CCDC180: variants seen among roughly 807,000 people sequenced by gnomAD.
CCDC180 encodes coiled-coil domain-containing protein 180.
Under a neutral mutation model 209.2 loss-of-function variants are expected in CCDC180, and 154 were observed. The observed-to-expected ratio is 0.74, with a 90% CI of 0.65 to 0.84. CCDC180 has a LOEUF of 0.84. Among genes scored for constraint, CCDC180 ranks in the 40% least tolerant of loss-of-function variants. The pLI is 0.00. For synonymous variants in CCDC180, 778 were observed against 749.1 expected, an observed-to-expected ratio of 1.04 and a Z score of -0.63; for missense variants, 1,874 against 1,997.3, an observed-to-expected ratio of 0.94 and a Z score of 1.18.
Position 97,365,452 on chromosome 9 carries a change from G to A in CCDC180, c.3981-221G>A, listed in dbSNP as rs532257081. 9.6e-6 allele frequency: 5 copies of A among 518,492 alleles called. No individual in the cohort carries two copies. The Admixed American group carries it at 1.3e-4, about 14-fold the overall frequency. The allele number at this position is 518,492 out of a possible 1,614,324, so 32.1% of individuals were successfully genotyped here. A position where few individuals can be genotyped will look rare whatever the true frequency, so the allele number is the denominator to read the frequency against. On this transcript the variant is annotated intron_variant, in intron 29 of 36. Transcript: ENST00000529487. Reference sequence around the variant, plus strand: ...GGTCAGAAATTGCAGCTGAGCTGGGGTCTGAGGAAGGGCAGGAACAAATAC... The same window carrying A: ...GGTCAGAAATTGCAGCTGAGCTGGGATCTGAGGAAGGGCAGGAACAAATAC...
intron 29 of CCDC180, among the ~76,000 whole-genome samples, chr9:97,364,885 C>T (rs975206123): frequency 9.2e-5 from 14 of 152,200 alleles, no homozygotes; most frequent in African/African-American, 3.4e-4. Context: ...CTAATCGAGG[C>T]ACTGCCCGGT....
At chr9:97,357,321 A>G (rs1025846359) in intron 24 of CCDC180, among the ~76,000 whole-genome samples, 2 of 152,210 alleles carry the variant, frequency 1.3e-5, no homozygotes, top group African/African-American at 2.4e-5. Flanking sequence ...GGGTCAGAGC[A>G]TGACCTTTCT....
intron 18 of CCDC180, among the ~76,000 whole-genome samples, chr9:97,337,055 G>T (rs2118733608): frequency 6.6e-6 from 1 of 152,330 alleles, no homozygotes; most frequent in Admixed American, 6.5e-5. Flanking sequence ...AGCTTAAGGA[G>T]ATTTTGGACT....
chr9:97,345,620 G>A, intron 19 of CCDC180: 1 of 408,320 alleles, frequency 2.4e-6, no homozygotes, highest in Non-Finnish European at 4.8e-6. Context: ...GCATGGTGGT[G>A]TGTGCCTGTA....
At chr9:97,363,906 A>G (rs1326905862) in intron 28 of CCDC180, 145 bp from the exon 29 acceptor site, 5 of 706,890 alleles carry the variant, frequency 7.1e-6, no homozygotes, top group African/African-American at 3.6e-5. Flanking sequence ...GAAACGCCCC[A>G]AAGGGCTAGG....
At chr9:97,357,838 G>A in intron 25 of CCDC180, 113 bp downstream of exon 25, 1 of 809,706 alleles carries the variant, frequency 1.2e-6, no homozygotes. Context: ...AAGGTTGGCG[G>A]GGTGGGGGGA....
rs1826619880 is a variant in CCDC180, at chr9:97,357,664, T to G, written c.3302T>G (p.Phe1101Cys). 6.2e-7 allele frequency: 1 copy of G among 1,613,408 alleles called. No homozygotes were observed. The highest frequency in any genetic ancestry group is 8.5e-7 in the Non-Finnish European group (1 of 1,179,848). Residue 1101 changes from phenylalanine (F) to cysteine (C), a missense_variant, in exon 25 of 37, where the codon TTC (phenylalanine) becomes TGC (cysteine). Transcript: ENST00000529487. Reference sequence around the variant, plus strand: ...AATTCGCAAACAAATGGATTAAATTTCTCTCTGCAACAGCTTCAGAACAAG... The same window carrying G: ...AATTCGCAAACAAATGGATTAAATTGCTCTCTGCAACAGCTTCAGAACAAG... ...KSNSQTNGLN[F>C]SLQQLQNKIK... is the part of the protein sequence containing the mutation.
chr9:97,369,449 G>T (rs1215643884), intron 31 of CCDC180: 1 of 156,524 alleles, frequency 6.4e-6, no homozygotes, highest in African/African-American at 2.4e-5. Context: ...GTTATGTTAT[G>T]TTATGTTATG....
In CCDC180 at chr9:97,314,947, G is replaced by A. The variant is rs768104618; in HGVS notation, c.795+1G>A. ...CAGGCTGATAAATGAAGAAGCCATG[G>A]TGAGTGGTTTTCCTGTGCAGGGATC... On this transcript the variant is annotated splice_donor_variant, in intron 8 of 36. Transcript: ENST00000529487. LOFTEE classifies it high-confidence loss of function. 54 of 1,613,094 alleles carry A rather than the reference G, an allele frequency of 3.3e-5. No individual in the cohort carries two copies. The highest frequency in any genetic ancestry group is 4.3e-5 in the Non-Finnish European group (51 of 1,179,262).
chr9:97,350,477 T>A lies in CCDC180; in HGVS notation c.2924T>A (p.Leu975Gln). 1.3e-6 allele frequency: 2 copies of A among 1,536,424 alleles called. No individual in the cohort carries two copies. The highest frequency in any genetic ancestry group is 1.7e-6 in the Non-Finnish European group (2 of 1,146,988). The part of the protein sequence containing the change: ...LSYVDVTQVS[L>Q]RSFRQYLEES... ...TATGTTGATGTCACCCAGGTGTCCCTGCGCAGCTTCCGGCAGTACTTGGAG... is the reference window on the plus strand; with the variant it reads ...TATGTTGATGTCACCCAGGTGTCCCAGCGCAGCTTCCGGCAGTACTTGGAG... The change falls in exon 22 of 37, where the codon CTG becomes CAG. Residue 975 changes from leucine to glutamine, a missense_variant. Coordinates refer to ENST00000529487, the MANE Select transcript of CCDC180 (RefSeq NM_020893.6).
chr9:97,367,081 A>G (rs1162045377), intron 31 of CCDC180, among the ~76,000 whole-genome samples: 1 of 151,886 alleles, frequency 6.6e-6, no homozygotes, highest in Non-Finnish European at 1.5e-5. Context: ...AATTTTAGAA[A>G]CCCCATCCCC....
chr9:97,321,364 A>T (rs896998702), intron 11 of CCDC180, among the ~76,000 whole-genome samples: 1 of 152,206 alleles, frequency 6.6e-6, no homozygotes, highest in Non-Finnish European at 1.5e-5. Context: ...TTAGAGGATA[A>T]CAACAATCTA....
Position 97,307,732 on chromosome 9 carries a change from C to A in CCDC180, c.-156C>A, listed in dbSNP as rs900896042. On this transcript the variant is annotated 5_prime_UTR_variant, in exon 1 of 37. Transcript: ENST00000529487. ...CAATAATCCTGTATTATTCGCGTTC[C>A]CAGAGTCCCTTCGGATTTGCGCCAT... The A allele has an allele frequency of 2.5e-6, 4 of 1,614,118 alleles. No homozygotes were observed. Among genetic ancestry groups the A allele is most frequent in the Non-Finnish European group, 3.4e-6 (4 of 1,179,934 alleles).
At chr9:97,370,913 G>T in intron 33 of CCDC180, 135 bp downstream of exon 33, 3 of 637,800 alleles carry the variant, frequency 4.7e-6, no homozygotes, top group Admixed American at 3.3e-5. Flanking sequence ...GGTTTTGTAG[G>T]TAAAAATGGC....
chr9:97,377,008 C>T lies in CCDC180; in HGVS notation c.*114C>T, dbSNP rs1195183314. The T allele has an allele frequency of 8.1e-7, 1 of 1,232,694 alleles. No individual in the cohort carries two copies. The highest frequency in any genetic ancestry group is 1.1e-6 in the Non-Finnish European group (1 of 900,416). The allele number at this position is 1,232,694 out of a possible 1,614,324, so 76.4% of individuals were successfully genotyped here. On this transcript the variant is annotated 3_prime_UTR_variant, in exon 37 of 37. Transcript: ENST00000529487. ...CTCCCTTCATCCCTCCACCCCTGCT[C>T]TGTGCCGGGCACTGTAGCTTTACCA...
At chr9:97,328,976 C>A (rs563822166) in intron 16 of CCDC180, among the ~76,000 whole-genome samples, 1 of 152,162 alleles carries the variant, frequency 6.6e-6, no homozygotes, top group African/African-American at 2.4e-5. Context: ...TGGTTTGAAT[C>A]CCCCAGAGTT....
chr9:97,369,383 A>G (rs1298129018), intron 31 of CCDC180: 1 of 153,596 alleles, frequency 6.5e-6, no homozygotes, highest in Non-Finnish European at 1.4e-5. Context: ...CGCAGAGTAT[A>G]TAGGAGAAGC....
chr9:97,328,792 G>A (rs1360573013), intron 16 of CCDC180, among the ~76,000 whole-genome samples: 3 of 152,158 alleles, frequency 2.0e-5, no homozygotes, highest in Non-Finnish European at 4.4e-5. Flanking sequence ...ACTTTTTTGT[G>A]CTTGGTTGCT....
At position 97,370,494 on chromosome 9, in the gene CCDC180, C is replaced by T. The variant is rs1316668913; in HGVS notation, c.4351-147C>T. The T allele has an allele frequency of 5.6e-5, 50 of 889,772 alleles. No homozygotes were observed. In the East Asian group the frequency reaches 1.2e-3, roughly 22 times the overall value. 55.1% of individuals were successfully genotyped at this position (889,772 alleles called of 1,614,324 possible). On this transcript the variant is annotated intron_variant, in intron 32 of 36. Transcript: ENST00000529487. ...TCTAGCCATGCCCCCCTCTTAACCCCTCTGCCACTCTTCTGCCCACCCATC... is the reference window on the plus strand; with the variant it reads ...TCTAGCCATGCCCCCCTCTTAACCCTTCTGCCACTCTTCTGCCCACCCATC...
Sources: gnomAD v4.1 joint callset for allele counts (sites outside exome capture counted in the v4.1 genomes callset) on GRCh38, gnomAD v4.1.1 for gene constraint, MANE v1.5 for transcripts, NCBI Gene and HGNC (gene_info 2026-07-23, HGNC 2026-07-21) for gene names.